The following PCDHGA6 variants were observed in gnomAD, a reference collection of about 807,000 sequenced individuals.
PCDHGA6 encodes the protein protocadherin gamma-A6.
Under a neutral mutation model 60.6 loss-of-function variants are expected in PCDHGA6, and 41 were observed. The observed-to-expected ratio is 0.68, with a 90% CI of 0.53 to 0.88. PCDHGA6 has a LOEUF of 0.88. Ranked by LOEUF, PCDHGA6 falls within the 40% of genes least tolerant of loss-of-function variation. The pLI is 0.00. For synonymous variants in PCDHGA6, 594 were observed against 524.4 expected, an observed-to-expected ratio of 1.13 and a Z score of -1.81; for missense variants, 1,312 against 1,203.0, an observed-to-expected ratio of 1.09 and a Z score of -1.34.
intron 2 of PCDHGA6, among the ~76,000 whole-genome samples, chr5:141,502,253 T>C (rs1331834149): frequency 6.6e-6 from 1 of 152,232 alleles, no homozygotes; most frequent in South Asian, 2.1e-4. Context: ...TTTTTTTTAA[T>C]CCAGGATTTT....
chr5:141,499,682 C>T, intron 2 of PCDHGA6, among the ~76,000 whole-genome samples: 1 of 148,196 alleles, frequency 6.7e-6, no homozygotes, highest in South Asian at 2.1e-4. Flanking sequence ...CCATCTTTAA[C>T]AGATGACTTT....
Position 141,375,668 on chromosome 5 carries a change from C to T in PCDHGA6, c.1585C>T (p.Gln529Ter). 4 of 1,614,258 alleles carry T rather than the reference C, an allele frequency of 2.5e-6. No individual in the cohort carries two copies. Among genetic ancestry groups the T allele is most frequent in the Non-Finnish European group, 3.4e-6 (4 of 1,180,044 alleles). ...CGACTATGAGCAGTTGAGAGACCTACAGCTGTGGGTGACAGCCAGCGACAG... is the reference window on the plus strand; with the variant it reads ...CGACTATGAGCAGTTGAGAGACCTATAGCTGTGGGTGACAGCCAGCGACAG... Reference protein sequence around the residue: ...SFDYEQLRDLQLWVTASDSGD... With the variant: ...SFDYEQLRDL Residue 529 changes from glutamine to a stop codon, truncating the protein, a stop_gained, in exon 1 of 4, where the codon CAG becomes TAG. Transcript: ENST00000517434. LOFTEE classifies it high-confidence loss of function.
At chr5:141,437,445 T>C (rs187869679) in intron 1 of PCDHGA6, among the ~76,000 whole-genome samples, 1 of 152,348 alleles carries the variant, frequency 6.6e-6, no homozygotes, top group East Asian at 1.9e-4. Flanking sequence ...CATAGGAATG[T>C]TGAGGAGACT....
At chr5:141,451,315 T>A (rs2154563546) in intron 1 of PCDHGA6, among the ~76,000 whole-genome samples, 1 of 152,330 alleles carries the variant, frequency 6.6e-6, no homozygotes, top group South Asian at 2.1e-4. Context: ...GCAATTAAAG[T>A]GTCACCTAAG....
rs1036223789 is a variant in PCDHGA6, at chr5:141,511,298, G to A, written c.*125G>A. On this transcript the variant is annotated 3_prime_UTR_variant, in exon 4 of 4. Transcript: ENST00000517434. ...GAATACTGGTAGGGGCCAAGGCCAT[G>A]CTCCCCTTGGGAAACAGAAACAAGT... The A allele has an allele frequency of 4.7e-6, 7 of 1,502,412 alleles. No individual in the cohort carries two copies. In the African/African-American group the frequency reaches 8.4e-5, roughly 18 times the overall value. The allele number at this position is 1,502,412 out of a possible 1,614,324, so 93.1% of individuals were successfully genotyped here. A position where few individuals can be genotyped will look rare whatever the true frequency, so the allele number is the denominator to read the frequency against.
At chr5:141,495,209 C>T (rs548415564) in intron 2 of PCDHGA6, among the ~76,000 whole-genome samples, 1 of 152,342 alleles carries the variant, frequency 6.6e-6, no homozygotes, top group Admixed American at 6.5e-5. Flanking sequence ...GCCTAACCCC[C>T]TCCCCTGAGT....
intron 1 of PCDHGA6, chr5:141,479,247 C>A (rs1428944159): frequency 6.6e-6 from 1 of 152,084 alleles, no homozygotes; most frequent in Non-Finnish European, 1.5e-5. Flanking sequence ...CAAAGATAAC[C>A]ATTTTTAATT....
chr5:141,485,546 G>C lies in PCDHGA6; in HGVS notation c.2425-9261G>C. The C allele has an allele frequency of 6.2e-7, 1 of 1,614,074 alleles. No individual in the cohort carries two copies. ...GTACCGAGCAGAGGTAGAGATCGTA[G>C]ATGTGAATGATCACGCCCCCCGTTT... is the stretch of plus-strand genomic sequence containing the variant. On this transcript the variant is annotated intron_variant, in intron 1 of 3. Coordinates refer to ENST00000517434, the MANE Select transcript of PCDHGA6 (RefSeq NM_018919.3). The surrounding 1 kb of genome is among the most constrained non-coding windows in gnomAD (Gnocchi z 5.7).
rs2096651086 is a variant in PCDHGA6 at position 141,422,486 on chromosome 5, A to G, written c.2424+45979A>G. Reference sequence around the variant, plus strand: ...GACAGGGAGTTGGTCCAGAGCTACAATATAACGTTGACAGCCACAGACCAG... The same window carrying G: ...GACAGGGAGTTGGTCCAGAGCTACAGTATAACGTTGACAGCCACAGACCAG... On this transcript the variant is annotated intron_variant, in intron 1 of 3. Coordinates refer to ENST00000517434, the MANE Select transcript of PCDHGA6 (RefSeq NM_018919.3). The G allele has an allele frequency of 1.2e-6, 2 of 1,613,852 alleles. No individual in the cohort carries two copies. The highest frequency in any genetic ancestry group is 1.3e-5 in the African/African-American group (1 of 74,924).
rs139832920 is a variant in PCDHGA6, at chr5:141,432,866, G to T, written c.2424+56359G>T. On this transcript the variant is annotated intron_variant, in intron 1 of 3. Coordinates refer to ENST00000517434, the MANE Select transcript of PCDHGA6 (RefSeq NM_018919.3). This position sits in a 1 kb window ranked among gnomAD's most constrained non-coding sequence, Gnocchi z 6.0. ...GGTAGCGGTGGCCGCGGTCTCCTGC[G>T]TCTTCCTGGCCTTCGTCATCTTGCT... The T allele has an allele frequency of 1.9e-6, 3 of 1,614,034 alleles. No individual in the cohort carries two copies. The African/African-American group carries it at 4.0e-5, about 22-fold the overall frequency.
At chr5:141,468,330 CAAA>C (rs533390277) in intron 1 of PCDHGA6, 32,113 of 79,068 alleles carry the variant, frequency 0.41, 3,870 homozygotes, top group African/African-American at 0.52. Flanking sequence ...AACTCCATCT[CAAA>C]AAAAAAAAAA....
At position 141,431,869 on chromosome 5, in the gene PCDHGA6, T is replaced by C. The variant is rs140856757; in HGVS notation, c.2424+55362T>C. ...GAGGGACATTAATTGCCCTTTTAAA[T>C]GTAAATGACCAAGATTCTGAGGAAA... is the stretch of plus-strand genomic sequence containing the variant. On this transcript the variant is annotated intron_variant, in intron 1 of 3. Transcript: ENST00000517434. The surrounding 1 kb of genome is among the most constrained non-coding windows in gnomAD (Gnocchi z 4.8). 8.5e-4 allele frequency: 1,376 copies of C among 1,614,252 alleles called. 2 individuals carry two copies. Among genetic ancestry groups the C allele is most frequent in the Non-Finnish European group, 1.1e-3 (1,291 of 1,180,028 alleles).
At chr5:141,423,755 GGGGGGT>G in intron 1 of PCDHGA6, 4 of 512,470 alleles carry the variant, frequency 7.8e-6, no homozygotes, top group Non-Finnish European at 1.0e-5. Context: ...CTGTTTGGGG[GGGGGGT>G]GGGGCGGCAT....
chr5:141,419,354 C>G (rs1444462815), intron 1 of PCDHGA6: 1 of 1,613,828 alleles, frequency 6.2e-7, no homozygotes, highest in Admixed American at 1.7e-5. Flanking sequence ...CCTGGAGTCA[C>G]GAACGCTGTC....
chr5:141,413,756 A>G, intron 1 of PCDHGA6: 1 of 1,613,042 alleles, frequency 6.2e-7, no homozygotes, highest in South Asian at 1.1e-5. Context: ...AATGGCGTCA[A>G]GTACCCGGAG....
intron 1 of PCDHGA6, chr5:141,414,557 A>C: frequency 6.2e-7 from 1 of 1,613,906 alleles, no homozygotes. Flanking sequence ...CAAGTCTCCT[A>C]CTTTACCTAT....
chr5:141,505,705 GAA>G (rs1250788277), intron 3 of PCDHGA6, among the ~76,000 whole-genome samples: 1 of 152,198 alleles, frequency 6.6e-6, no homozygotes, highest in Non-Finnish European at 1.5e-5. Flanking sequence ...AGCGAACAAG[GAA>G]AAGACTCATG....
intron 1 of PCDHGA6, chr5:141,382,643 A>G (rs1179734699): frequency 2.5e-6 from 1 of 392,566 alleles, no homozygotes; most frequent in Non-Finnish European, 4.5e-6. Flanking sequence ...TGGTGCAGTA[A>G]CTTAGTAAGG....
intron 1 of PCDHGA6, among the ~76,000 whole-genome samples, chr5:141,382,389 T>A (rs1778164859): frequency 6.6e-6 from 1 of 152,228 alleles, no homozygotes; most frequent in South Asian, 2.1e-4. Flanking sequence ...AATAACTGAT[T>A]TTCCCATGTG....
Sources: gnomAD v4.1 joint callset for allele counts (sites outside exome capture counted in the v4.1 genomes callset) on GRCh38, gnomAD v4.1.1 for gene constraint, Gnocchi (gnomAD v3.1) non-coding constraint, MANE v1.5 for transcripts, NCBI Gene and HGNC (gene_info 2026-07-23, HGNC 2026-07-21) for gene names.